Variants in TMEM132B observed in about 807,000 individuals in gnomAD.
The protein encoded by TMEM132B is transmembrane protein 132B.
A neutral mutation model predicts 90.8 loss-of-function variants in TMEM132B; 18 were observed. The observed-to-expected ratio is 0.20, with a 90% CI of 0.14 to 0.29. The LOEUF (loss-of-function observed/expected upper bound fraction) is 0.29, where lower values mean the gene tolerates loss of function less well. TMEM132B is among the 10% of genes least tolerant of loss of function. The probability of loss-of-function intolerance (pLI) is 1.00; values close to 1 mark genes in which losing one functional copy is unlikely to be tolerated. For missense variants in TMEM132B, 1,096 were observed against 1,326.8 expected, an observed-to-expected ratio of 0.83 and a Z score of 2.70; for synonymous variants, 504 against 523.3, an observed-to-expected ratio of 0.96 and a Z score of 0.50.
intron 4 of TMEM132B, among the ~76,000 whole-genome samples, chr12:125,531,503 G>A (rs982442760): frequency 6.6e-6 from 1 of 152,056 alleles, no homozygotes; most frequent in Non-Finnish European, 1.5e-5. Flanking sequence ...AATTATTTTT[G>A]TGTCACCCTG....
intron 1 of TMEM132B, among the ~76,000 whole-genome samples, chr12:125,323,720 C>T (rs139598948): frequency 1.1e-3 from 171 of 152,218 alleles, no homozygotes; most frequent in African/African-American, 3.9e-3. Flanking sequence ...GGTTTTGCCA[C>T]GTTGGTCAGG....
intron 1 of TMEM132B, among the ~76,000 whole-genome samples, chr12:125,259,454 A>C (rs113944799): frequency 6.6e-6 from 1 of 152,176 alleles, no homozygotes; most frequent in Admixed American, 6.5e-5. Context: ...AATTAGAGAA[A>C]AGCCCAGCAA....
At chr12:125,576,297 T>A (rs1299498355) in intron 4 of TMEM132B, among the ~76,000 whole-genome samples, 2 of 152,066 alleles carry the variant, frequency 1.3e-5, no homozygotes, top group Non-Finnish European at 2.9e-5. Context: ...CAGATAAAAT[T>A]GAGTTTTAGA....
intron 1 of TMEM132B, among the ~76,000 whole-genome samples, chr12:125,331,632 G>A (rs1381387184): frequency 6.6e-6 from 1 of 152,194 alleles, no homozygotes; most frequent in Non-Finnish European, 1.5e-5. Flanking sequence ...CAGGGGTTAA[G>A]CCCACACTCT....
intron 1 of TMEM132B, among the ~76,000 whole-genome samples, chr12:125,190,584 GATGGTGA>G (rs1957793434): frequency 8.3e-6 from 1 of 120,486 alleles, no homozygotes; most frequent in Non-Finnish European, 1.7e-5. Context: ...AAGGGGTGAT[GATGGTGA>G]TGATGGGGAA....
chr12:125,238,388 C>CAAAAAAAA (rs1259157470), intron 1 of TMEM132B, among the ~76,000 whole-genome samples: 6 of 105,268 alleles, frequency 5.7e-5, no homozygotes, highest in African/African-American at 2.0e-4. Flanking sequence ...AAAAAAAAAC[C>CAAAAAAAA]AAAAAAACAA....
chr12:125,647,506 C>T (rs2137038086), intron 6 of TMEM132B, among the ~76,000 whole-genome samples: 1 of 152,306 alleles, frequency 6.6e-6, no homozygotes, highest in East Asian at 1.9e-4. Context: ...AATTTCTTGC[C>T]TGAAACCACG....
rs1002584331 is a variant in TMEM132B, at chr12:125,243,693, T to C, written c.67+56827T>C. On this transcript the variant is annotated intron_variant, in intron 1 of 8. Transcript: ENST00000682704. ...GGTATAGTACCCAATAGGTAGTTTT[T>C]CCAGCCCTTTCCCCCCATCCCTCTT... 5.9e-5 allele frequency among the ~76,000 whole-genome samples: 9 copies of C among 152,284 alleles called. No individual in the cohort carries two copies. The East Asian group carries it at 1.7e-3, about 29-fold the overall frequency.
In TMEM132B at chr12:125,583,956, T is replaced by C; in HGVS notation, c.1399T>C (p.Ser467Pro). Residue 467 changes from serine to proline, a missense_variant, in exon 5 of 9, where the codon TCT (serine) becomes CCT (proline). By Grantham distance (74) the Ser-to-Pro change is moderately conservative. Transcript: ENST00000682704. ...EDGSVVDVSE[S>P]VECKSADEDV... The stretch of plus-strand genomic sequence containing the variant: ...TGGTTCTGTGGTCGATGTGTCTGAG[T>C]CTGTGGAATGCAAGTCTGCCGATGA... The C allele has an allele frequency of 1.9e-6, 3 of 1,614,086 alleles. No homozygotes were observed. Among genetic ancestry groups the C allele is most frequent in the Non-Finnish European group, 2.5e-6 (3 of 1,180,012 alleles).
At chr12:125,376,185 G>T (rs1878474853) in intron 2 of TMEM132B, among the ~76,000 whole-genome samples, 1 of 152,186 alleles carries the variant, frequency 6.6e-6, no homozygotes, top group Admixed American at 6.5e-5. Flanking sequence ...GGAGGCTTTG[G>T]CAGGCAGCAG....
At chr12:125,201,242 C>T (rs1435423889) in intron 1 of TMEM132B, among the ~76,000 whole-genome samples, 1 of 152,192 alleles carries the variant, frequency 6.6e-6, no homozygotes, top group Admixed American at 6.5e-5. Flanking sequence ...TTTACACAGG[C>T]TCCGAAGCAG....
intron 1 of TMEM132B, among the ~76,000 whole-genome samples, chr12:125,201,022 G>A (rs1873045177): frequency 6.6e-6 from 1 of 152,166 alleles, no homozygotes; most frequent in South Asian, 2.1e-4. Flanking sequence ...TGTTTCTAAT[G>A]GAAAACTGTC....
At chr12:125,382,062 C>T (rs1022690848) in intron 2 of TMEM132B, among the ~76,000 whole-genome samples, 1 of 152,160 alleles carries the variant, frequency 6.6e-6, no homozygotes, top group African/African-American at 2.4e-5. Context: ...CCCAACATCC[C>T]TTTTAGAAAT....
Position 125,434,325 on chromosome 12 carries a change from C to G in TMEM132B, c.1106+18648C>G, listed in dbSNP as rs142876260. On this transcript the variant is annotated intron_variant, in intron 3 of 8. Transcript: ENST00000682704. ...CCCCACCCCAGGAACCTTAATCTAA[C>G]CACACCTGCAAAGTCCCTTTGACCA... Among the ~76,000 whole-genome samples, 983 of 152,322 alleles carry G rather than the reference C, an allele frequency of 6.5e-3. 15 individuals carry two copies. The highest frequency in any genetic ancestry group is 0.022 in the African/African-American group (916 of 41,570).
intron 5 of TMEM132B, among the ~76,000 whole-genome samples, chr12:125,589,935 C>T (rs1885279256): frequency 6.6e-6 from 1 of 151,982 alleles, no homozygotes; most frequent in African/African-American, 2.4e-5. Flanking sequence ...AGATGTAATC[C>T]CCAGTGGTGG....
intron 4 of TMEM132B, among the ~76,000 whole-genome samples, chr12:125,577,106 A>T (rs1165539083): frequency 2.0e-5 from 3 of 152,056 alleles, no homozygotes; most frequent in African/African-American, 7.2e-5. Flanking sequence ...TAATGAAGCC[A>T]TCTGGTCCTG....
chr12:125,624,727 T>G (rs1886189082), intron 5 of TMEM132B, among the ~76,000 whole-genome samples: 1 of 152,172 alleles, frequency 6.6e-6, no homozygotes, highest in Non-Finnish European at 1.5e-5. Context: ...CTTACTAGAG[T>G]CCAGGGTTTG....
At chr12:125,511,021 C>T (rs1040397119) in intron 3 of TMEM132B, among the ~76,000 whole-genome samples, 1 of 152,028 alleles carries the variant, frequency 6.6e-6, no homozygotes, top group Non-Finnish European at 1.5e-5. Flanking sequence ...ATATTTTTGT[C>T]ACACTCAAAG....
In TMEM132B at chr12:125,490,578, C is replaced by T. The variant is rs1328601837; in HGVS notation, c.1107-28861C>T. Among the ~76,000 whole-genome samples the T allele has an allele frequency of 6.6e-6, 1 of 152,142 alleles. No individual in the cohort carries two copies. Among genetic ancestry groups the T allele is most frequent in the African/African-American group, 2.4e-5 (1 of 41,428 alleles). On this transcript the variant is annotated intron_variant, in intron 3 of 8. Transcript: ENST00000682704. The surrounding 1 kb of genome is among the most constrained non-coding windows in gnomAD (Gnocchi z 4.2). ...TCCCGGGTTCACACCATTCTCCTGC[C>T]TTAGCCTCCCGAGTAGCTCGACTAC...
Sources: allele counts gnomAD v4.1 joint callset (sites outside exome capture counted in the v4.1 genomes callset), GRCh38; gene constraint gnomAD v4.1.1; non-coding constraint Gnocchi (gnomAD v3.1); transcripts MANE v1.5; gene names NCBI Gene and HGNC (gene_info 2026-07-23, HGNC 2026-07-21).